SFMBT1: variants seen among roughly 807,000 people sequenced by gnomAD.
SFMBT1 encodes the protein scm-like with four MBT domains protein 1.
SFMBT1 carries 32 observed loss-of-function variants against 108.7 expected under a neutral mutation model. That is an observed-to-expected ratio of 0.29 (90% CI 0.22 to 0.40). SFMBT1 has a LOEUF of 0.40. Among genes scored for constraint, SFMBT1 ranks in the 10% least tolerant of loss-of-function variants. The pLI is 1.00. For synonymous variants in SFMBT1, 348 were observed against 369.5 expected (o/e 0.94, Z 0.67); for missense variants, 816 against 1,059.6 (o/e 0.77, Z 3.19).
At chr3:52,928,637 CAT>C (rs149816705) in intron 8 of SFMBT1, 37,596 of 78,330 alleles carry the variant, frequency 0.48, 7,230 homozygotes, top group Admixed American at 0.62. Flanking sequence ...CATATATATA[CAT>C]ATATATATAT....
intron 1 of SFMBT1, among the ~76,000 whole-genome samples, chr3:53,025,891 T>C (rs1481350699): frequency 6.6e-6 from 1 of 152,184 alleles, no homozygotes; most frequent in Non-Finnish European, 1.5e-5. Context: ...TTAAGAACCA[T>C]ACATCAGCTT....
chr3:53,009,424 T>A (rs1295267357), intron 1 of SFMBT1, among the ~76,000 whole-genome samples: 1 of 151,924 alleles, frequency 6.6e-6, no homozygotes, highest in Admixed American at 6.6e-5. Context: ...CTCCAGAGAC[T>A]CCATCTCAAA....
chr3:52,921,843 A>G lies in SFMBT1; in HGVS notation c.1132-12T>C, dbSNP rs377377603. On this transcript the variant is annotated splice_polypyrimidine_tract_variant and intron_variant, in intron 10 of 20. Transcript: ENST00000394752. Reference sequence around the variant, plus strand: ...TGTTCAGAAATTAACTAGAAAATGAATGAATCAAATCAATTTACTGGATTA... The same window carrying G: ...TGTTCAGAAATTAACTAGAAAATGAGTGAATCAAATCAATTTACTGGATTA... 9.9e-6 allele frequency: 16 copies of G among 1,613,094 alleles called. No individual in the cohort carries two copies. The highest frequency in any genetic ancestry group is 1.4e-5 in the Non-Finnish European group (16 of 1,179,948).
chr3:52,916,243 G>T (rs1702351113), intron 13 of SFMBT1, 29 bp from the exon 14 acceptor site: 1 of 1,591,780 alleles, frequency 6.3e-7, no homozygotes, highest in South Asian at 1.1e-5. Context: ...GTAAAATAGT[G>T]AGATAATTCT....
intron 16 of SFMBT1, 60 bp downstream of exon 16, chr3:52,912,478 G>T (rs1200352606): frequency 2.7e-6 from 4 of 1,463,864 alleles, no homozygotes; most frequent in African/African-American, 1.4e-5. Flanking sequence ...GTGCCACGCC[G>T]ATTCTGTGAC....
Position 52,968,778 on chromosome 3 carries a change from A to G in SFMBT1, c.28+323T>C, listed in dbSNP as rs940972087. ...GCTAATTGTTTGTATTTTGTTTAGT[A>G]GAGACGGGGTTTCACCGTGTTAGCC... On this transcript the variant is annotated intron_variant, in intron 2 of 20. Coordinates refer to ENST00000394752, the MANE Select transcript of SFMBT1 (RefSeq NM_016329.4). Among the ~76,000 whole-genome samples, 44 of 152,034 alleles carry G rather than the reference A, an allele frequency of 2.9e-4. 1 individual carries two copies. The highest frequency in any genetic ancestry group is 2.9e-3 in the Admixed American group (44 of 15,264).
intron 10 of SFMBT1, among the ~76,000 whole-genome samples, chr3:52,923,176 A>G (rs948550183): frequency 5.3e-5 from 8 of 152,246 alleles, no homozygotes; most frequent in Admixed American, 5.2e-4. Context: ...AAAAGCAGTG[A>G]TTATGCAAGA....
At chr3:52,968,841 C>A (rs1239767369) in intron 2 of SFMBT1, among the ~76,000 whole-genome samples, 1 of 152,122 alleles carries the variant, frequency 6.6e-6, no homozygotes, top group African/African-American at 2.4e-5. Context: ...GATCTGCCCA[C>A]CTCGGCCTCC....
At chr3:52,991,802 A>G (rs146300823) in intron 1 of SFMBT1, among the ~76,000 whole-genome samples, 1 of 152,132 alleles carries the variant, frequency 6.6e-6, no homozygotes, top group Non-Finnish European at 1.5e-5. Flanking sequence ...ATGCACCATC[A>G]ATGAGGAATG....
intron 1 of SFMBT1, among the ~76,000 whole-genome samples, chr3:52,999,338 C>T (rs1698457292): frequency 6.7e-6 from 1 of 150,134 alleles, no homozygotes; most frequent in African/African-American, 2.4e-5. Flanking sequence ...AAGGAGCCGA[C>T]GCCCCACCTC....
chr3:52,935,649 A>G (rs1405371786), intron 4 of SFMBT1, among the ~76,000 whole-genome samples: 1 of 152,036 alleles, frequency 6.6e-6, no homozygotes, highest in African/African-American at 2.4e-5. Context: ...CCACAATAAC[A>G]ACATCATACC....
At chr3:53,019,997 C>T (rs1317247968) in intron 1 of SFMBT1, among the ~76,000 whole-genome samples, 1 of 152,126 alleles carries the variant, frequency 6.6e-6, no homozygotes, top group Non-Finnish European at 1.5e-5. Context: ...GTGCTCTACC[C>T]CTCACCCAGC....
intron 13 of SFMBT1, among the ~76,000 whole-genome samples, chr3:52,917,994 T>G (rs1028841863): frequency 6.6e-6 from 1 of 152,224 alleles, no homozygotes; most frequent in African/African-American, 2.4e-5. Flanking sequence ...ACATTTGTAC[T>G]TTTAAGGTTT....
chr3:52,953,105 T>C (rs1294232484), intron 3 of SFMBT1, among the ~76,000 whole-genome samples: 2 of 152,222 alleles, frequency 1.3e-5, no homozygotes, highest in East Asian at 3.8e-4. Flanking sequence ...ATGACAAATA[T>C]GAAATAAGTA....
chr3:52,965,137 G>A (rs1268693115), intron 2 of SFMBT1, among the ~76,000 whole-genome samples: 1 of 152,012 alleles, frequency 6.6e-6, no homozygotes, highest in Non-Finnish European at 1.5e-5. Flanking sequence ...TTTAGGTTGA[G>A]ACTATTCCCT....
At chr3:53,017,910 T>C (rs1224865749) in intron 1 of SFMBT1, among the ~76,000 whole-genome samples, 1 of 152,216 alleles carries the variant, frequency 6.6e-6, no homozygotes, top group Non-Finnish European at 1.5e-5. Flanking sequence ...TGGAAGTCTA[T>C]GCATACTTAG....
At position 53,039,589 on chromosome 3, in the gene SFMBT1, C is replaced by T. The variant is rs541271058; in HGVS notation, c.-131+6227G>A. On this transcript the variant is annotated intron_variant, in intron 1 of 20. Transcript: ENST00000394752. ...ATGTACTTAATGCCACTGACCTGTA[C>T]GTGTAAAAGTGGTTAAAATGGTACA... is the stretch of plus-strand genomic sequence containing the variant. Among the ~76,000 whole-genome samples, 6 of 152,240 alleles carry T rather than the reference C, an allele frequency of 3.9e-5. No homozygotes were observed. In the East Asian group the frequency reaches 7.7e-4, roughly 20 times the overall value.
At chr3:52,926,252 C>A in intron 9 of SFMBT1, 139 bp from the exon 10 acceptor site, 3 of 667,998 alleles carry the variant, frequency 4.5e-6, no homozygotes, top group Non-Finnish European at 7.7e-6. Flanking sequence ...GGGCGAAAAG[C>A]ATTCTATAAA....
In SFMBT1 at chr3:52,947,734, AT is replaced by A. The variant is rs557371575; in HGVS notation, c.124-4142del. Among the ~76,000 whole-genome samples, 723 of 140,730 alleles carry A rather than the reference AT, an allele frequency of 5.1e-3. 8 individuals carry two copies. In the East Asian group the frequency reaches 0.052, roughly 10 times the overall value. 92.3% of individuals were successfully genotyped at this position (140,730 alleles called of 152,430 possible). On this transcript the variant is annotated intron_variant, in intron 3 of 20. Coordinates refer to ENST00000394752, the MANE Select transcript of SFMBT1 (RefSeq NM_016329.4). ...AAAGGTAGTGATTTTCTATATATGT[AT>A]TTTTTTTTTTTTTCCTCGAGACAGC...
Sources: gnomAD v4.1 joint callset for allele counts (sites outside exome capture counted in the v4.1 genomes callset) on GRCh38, gnomAD v4.1.1 for gene constraint, MANE v1.5 for transcripts, NCBI Gene and HGNC (gene_info 2026-07-23, HGNC 2026-07-21) for gene names.